PACRG: variants seen among roughly 807,000 people sequenced by gnomAD.
The protein encoded by PACRG is parkin coregulated gene protein.
In PACRG, 29 loss-of-function variants were observed where a neutral mutation model predicts 29.7. That is an observed-to-expected ratio of 0.98 (90% CI 0.73 to 1.33). PACRG has a LOEUF of 1.33. Among genes scored for constraint, PACRG ranks in the 40% most tolerant of loss-of-function variants. The pLI, the probability that PACRG is intolerant of heterozygous loss-of-function variation, is 0.00. For synonymous variants in PACRG, 116 were observed against 118.7 expected, an observed-to-expected ratio of 0.98 and a Z score of 0.15; for missense variants, 279 against 316.2, an observed-to-expected ratio of 0.88 and a Z score of 0.89.
chr6:162,920,456 T>C (rs1796989306), intron 2 of PACRG, among the ~76,000 whole-genome samples: 1 of 152,198 alleles, frequency 6.6e-6, no homozygotes, highest in African/African-American at 2.4e-5. Context: ...CTTCCTCTGG[T>C]CTATTATGAG....
chr6:162,773,842 G>A (rs2128305787), intron 1 of PACRG, among the ~76,000 whole-genome samples: 1 of 152,112 alleles, frequency 6.6e-6, no homozygotes, highest in African/African-American at 2.4e-5. Flanking sequence ...GCATATAAAT[G>A]TAAAGACAAA....
At position 162,995,021 on chromosome 6, in the gene PACRG, C is replaced by T. The variant is rs571644599; in HGVS notation, c.292-67129C>T. Among the ~76,000 whole-genome samples the T allele has an allele frequency of 7.3e-5, 11 of 151,144 alleles. No individual in the cohort carries two copies. The East Asian group carries it at 2.1e-3, about 29-fold the overall frequency. On this transcript the variant is annotated intron_variant, in intron 2 of 4. Coordinates refer to ENST00000366888, the MANE Select transcript of PACRG (RefSeq NM_001080379.2). ...TGCCGAGTGAGGTGTCAGTGTGCCC[C>T]TGCTGGGGGGTGCCTCCCAGTTAGG...
chr6:163,055,714 T>G lies in PACRG; in HGVS notation c.292-6436T>G, dbSNP rs959603406. 6.6e-6 allele frequency among the ~76,000 whole-genome samples: 1 copy of G among 152,192 alleles called. No individual in the cohort carries two copies. The highest frequency in any genetic ancestry group is 1.5e-5 in the Non-Finnish European group (1 of 68,042). ...TAAAATACACATAAAACTTACCATT[T>G]TTACCATTTTTAAGTGTACACTTCA... is the stretch of plus-strand genomic sequence containing the variant. On this transcript the variant is annotated intron_variant, in intron 2 of 4. Transcript: ENST00000366888. The surrounding 1 kb of genome is among the most constrained non-coding windows in gnomAD (Gnocchi z 4.0).
intron 2 of PACRG, among the ~76,000 whole-genome samples, chr6:162,931,382 TA>T (rs34315180): frequency 0.68 from 102,298 of 151,354 alleles, 34,730 homozygotes; most frequent in East Asian, 0.79. Context: ...ATGTCATATA[TA>T]AAAAAAAATT....
In PACRG at chr6:163,269,876, A is replaced by G. The variant is rs1403238746; in HGVS notation, c.614-44951A>G. ...AAGAAAGAGAAAGAAAGAGAAAGAA[A>G]GAAAGAAAGAAAGAAAACAAAGAAA... On this transcript the variant is annotated intron_variant, in intron 4 of 4. Coordinates refer to ENST00000366888, the MANE Select transcript of PACRG (RefSeq NM_001080379.2). Among the ~76,000 whole-genome samples, 2 of 55,378 alleles carry G rather than the reference A, an allele frequency of 3.6e-5. 1 individual carries two copies. Among genetic ancestry groups the G allele is most frequent in the African/African-American group, 2.0e-4 (2 of 9,928 alleles). The allele number at this position is 55,378 out of a possible 152,430, so 36.3% of individuals were successfully genotyped here. A position where few individuals can be genotyped will look rare whatever the true frequency, so the allele number is the denominator to read the frequency against.
At chr6:162,958,691 A>G (rs978769288) in intron 2 of PACRG, among the ~76,000 whole-genome samples, 5 of 151,366 alleles carry the variant, frequency 3.3e-5, no homozygotes, top group Non-Finnish European at 7.4e-5. Context: ...TGGAGCTTAG[A>G]TTCAGGTATG....
chr6:163,271,972 T>C (rs1305225514), intron 4 of PACRG, among the ~76,000 whole-genome samples: 1 of 152,198 alleles, frequency 6.6e-6, no homozygotes, highest in African/African-American at 2.4e-5. Flanking sequence ...TTTCTTCATA[T>C]AGGTCATATA....
chr6:162,778,356 T>C (rs1783815953), intron 1 of PACRG, among the ~76,000 whole-genome samples: 1 of 152,204 alleles, frequency 6.6e-6, no homozygotes, highest in Non-Finnish European at 1.5e-5. Flanking sequence ...GTATAAGTGC[T>C]ATAAGCGTAA....
At chr6:163,209,808 A>G (rs545027875) in intron 4 of PACRG, among the ~76,000 whole-genome samples, 17 of 152,342 alleles carry the variant, frequency 1.1e-4, no homozygotes, top group African/African-American at 3.6e-4. Flanking sequence ...CCATATGTCT[A>G]AAGTACACAA....
At chr6:163,068,926 T>C (rs1811794745) in intron 3 of PACRG, among the ~76,000 whole-genome samples, 1 of 152,098 alleles carries the variant, frequency 6.6e-6, no homozygotes, top group African/African-American at 2.4e-5. Context: ...TGACTTATTA[T>C]TTTTTTGACT....
At chr6:163,095,413 C>G in intron 4 of PACRG, 1 of 985,416 alleles carries the variant, frequency 1.0e-6, no homozygotes, top group South Asian at 4.7e-5. Flanking sequence ...CTAAAGAAAT[C>G]AGAATCCAGC....
intron 4 of PACRG, among the ~76,000 whole-genome samples, chr6:163,305,481 T>C (rs1164247970): frequency 1.3e-5 from 2 of 152,236 alleles, no homozygotes; most frequent in Non-Finnish European, 2.9e-5. Flanking sequence ...CTCAGCCTGC[T>C]CGTCTATCTT....
At chr6:162,989,161 G>A (rs894851902) in intron 2 of PACRG, among the ~76,000 whole-genome samples, 7 of 152,128 alleles carry the variant, frequency 4.6e-5, no homozygotes, top group Admixed American at 1.3e-4. Context: ...ATAGACATAA[G>A]CATAAGAAAG....
intron 4 of PACRG, among the ~76,000 whole-genome samples, chr6:163,194,905 C>T (rs1020965556): frequency 6.6e-6 from 1 of 152,136 alleles, no homozygotes; most frequent in Non-Finnish European, 1.5e-5. Context: ...CACGCCCCTC[C>T]CTCCCTTTTG....
At chr6:162,788,976 A>G in intron 1 of PACRG, among the ~76,000 whole-genome samples, 1 of 152,166 alleles carries the variant, frequency 6.6e-6, no homozygotes, top group South Asian at 2.1e-4. Flanking sequence ...CTTGAAGAAG[A>G]AAAGCTTCCC....
chr6:163,259,396 C>T (rs1783234985), intron 4 of PACRG, among the ~76,000 whole-genome samples: 2 of 152,182 alleles, frequency 1.3e-5, no homozygotes, highest in Admixed American at 1.3e-4. Context: ...GCTCCTTTAA[C>T]ATTCAGGCCA....
chr6:162,910,912 C>G (rs1190907496), intron 2 of PACRG, among the ~76,000 whole-genome samples: 1 of 152,168 alleles, frequency 6.6e-6, no homozygotes, highest in Non-Finnish European at 1.5e-5. Context: ...CGGCTCTCCA[C>G]AGATGCTGCT....
At chr6:163,122,467 G>A (rs764095247) in intron 4 of PACRG, among the ~76,000 whole-genome samples, 2 of 152,198 alleles carry the variant, frequency 1.3e-5, no homozygotes, top group Non-Finnish European at 2.9e-5. Context: ...ATGGCTTGGT[G>A]CCCTGCCCAT....
chr6:162,818,510 G>A (rs116152547), intron 2 of PACRG, among the ~76,000 whole-genome samples: 3,066 of 152,222 alleles, frequency 0.02, 102 homozygotes, highest in African/African-American at 0.068. Context: ...AATAAAGAGC[G>A]AAGAGAAGCA....
Sources: gnomAD v4.1 joint callset for allele counts (sites outside exome capture counted in the v4.1 genomes callset) on GRCh38, gnomAD v4.1.1 for gene constraint, Gnocchi (gnomAD v3.1) non-coding constraint, MANE v1.5 for transcripts, NCBI Gene and HGNC (gene_info 2026-07-23, HGNC 2026-07-21) for gene names.